The following DLX2 variants were observed in gnomAD, a reference collection of about 807,000 sequenced individuals.
DLX2 encodes distal-less homeobox 2, also known as homeobox protein DLX-2.
DLX2 carries 8 observed loss-of-function variants against 27.4 expected under a neutral mutation model. The ratio of observed to expected loss-of-function variants is 0.29; its 90% CI spans 0.17 to 0.53. The LOEUF is 0.53. DLX2 is among the 20% of genes least tolerant of loss of function. The pLI, the probability that DLX2 is intolerant of heterozygous loss-of-function variation, is 0.96. For missense variants in DLX2, 421 were observed against 450.9 expected, an observed-to-expected ratio of 0.93 and a Z score of 0.60; for synonymous variants, 210 against 200.8, an observed-to-expected ratio of 1.05 and a Z score of -0.39.
chr2:172,101,024 G>A (rs1574162647), intron 2 of DLX2, 80 bp from the exon 3 acceptor site: 1 of 1,501,868 alleles, frequency 6.7e-7, no homozygotes, highest in Non-Finnish European at 9.1e-7. Flanking sequence ...AAAAAAGAAG[G>A]CAGAGAAAAA....
intron 2 of DLX2, 97 bp downstream of exon 2, chr2:172,101,365 C>T: frequency 7.5e-7 from 1 of 1,325,530 alleles, no homozygotes; most frequent in Non-Finnish European, 1.0e-6. Context: ...CTTAAAAGTA[C>T]TTAAAATGAA....
At position 172,102,712 on chromosome 2, in the gene DLX2, T is replaced by C; in HGVS notation, c.-174A>G. Reference sequence around the variant, plus strand: ...CCTCCTCCGGGGGAGGCGATCACCGTGCGCTGCTCGGGACAGCTGCCTCTG... The same window carrying C: ...CCTCCTCCGGGGGAGGCGATCACCGCGCGCTGCTCGGGACAGCTGCCTCTG... On this transcript the variant is annotated 5_prime_UTR_variant, in exon 1 of 3. Transcript: ENST00000234198. 1.6e-6 allele frequency: 1 copy of C among 630,752 alleles called. No individual in the cohort carries two copies. The highest frequency in any genetic ancestry group is 4.3e-4 in the Middle Eastern group (1 of 2,306). 39.1% of individuals were successfully genotyped at this position (630,752 alleles called of 1,614,324 possible). A position where few individuals can be genotyped will look rare whatever the true frequency, so the allele number is the denominator to read the frequency against.
At position 172,101,498 on chromosome 2, in the gene DLX2, G is replaced by A. The variant is rs368551403; in HGVS notation, c.549C>T (p.Ala183=). The change falls in exon 2 of 3, where the codon GCC becomes GCT. Residue 183 remains alanine, a synonymous_variant. Coordinates refer to ENST00000234198, the MANE Select transcript of DLX2 (RefSeq NM_004405.4). ...KTQYLALPER[A]ELAASLGLTQ... is the part of the protein sequence containing the mutation. ...TGAGGCCCAGAGAGGCCGCCAGCTC[G>A]GCTCGCTCCGGCAAGGCCAAGTATT... is the stretch of plus-strand genomic sequence containing the variant. 6.1e-5 allele frequency: 98 copies of A among 1,611,180 alleles called. No homozygotes were observed. Among genetic ancestry groups the A allele is most frequent in the Non-Finnish European group, 8.3e-5 (98 of 1,178,640 alleles).
chr2:172,101,437 C>T (rs770383491), intron 2 of DLX2, 25 bp downstream of exon 2: 8 of 1,577,106 alleles, frequency 5.1e-6, no homozygotes, highest in Middle Eastern at 1.7e-4. Context: ...GCGCTCTCCT[C>T]GCCCCTGCAG....
chr2:172,101,047 G>T (rs966855700), intron 2 of DLX2, 103 bp from the exon 3 acceptor site: 2 of 1,313,454 alleles, frequency 1.5e-6, no homozygotes, highest in East Asian at 2.4e-5. Context: ...GCTGGCTAGC[G>T]GTGGGCAGCG....
chr2:172,102,009 G>A (rs1444033039), intron 1 of DLX2, 130 bp downstream of exon 1: 5 of 1,444,414 alleles, frequency 3.5e-6, no homozygotes, highest in Non-Finnish European at 4.6e-6. Context: ...AGGGTAAAGG[G>A]CACAAGCGGG....
rs1366996107 is a variant in DLX2 at position 172,100,293 on chromosome 2, A to G, written c.*250T>C. 2 of 410,792 alleles carry G rather than the reference A, an allele frequency of 4.9e-6. No homozygotes were observed. The highest frequency in any genetic ancestry group is 4.1e-5 in the African/African-American group (2 of 48,440). 25.4% of individuals were successfully genotyped at this position (410,792 alleles called of 1,614,324 possible). On this transcript the variant is annotated 3_prime_UTR_variant, in exon 3 of 3. Transcript: ENST00000234198. This position sits in a 1 kb window ranked among gnomAD's most constrained non-coding sequence, Gnocchi z 4.5. Reference sequence around the variant, plus strand: ...TCCGAGGCGGGGCTCGAAACAGCCGAGACCCGGGGCTCAGGTCAGAAATGC... The same window carrying G: ...TCCGAGGCGGGGCTCGAAACAGCCGGGACCCGGGGCTCAGGTCAGAAATGC...
intron 1 of DLX2, 65 bp downstream of exon 1, chr2:172,102,074 A>T: frequency 6.5e-7 from 1 of 1,544,904 alleles, no homozygotes; most frequent in Admixed American, 2.0e-5. Flanking sequence ...CGCCCCAAAC[A>T]CGTTTACCCA....
In DLX2 at chr2:172,100,675, CTGG is replaced by C; in HGVS notation, c.852_854del (p.His284del). On this transcript the variant is annotated inframe_deletion, in exon 3 of 3. Transcript: ENST00000234198. The surrounding 1 kb of genome is among the most constrained non-coding windows in gnomAD (Gnocchi z 4.5). ...GCAGGTGTGAGGCGGATCCCGAGGT[CTGG>C]TGGTACCAGGGGTAGTTGCCCAGAA... The C allele has an allele frequency of 1.9e-6, 3 of 1,561,106 alleles. No homozygotes were observed. The African/African-American group carries it at 4.2e-5, about 22-fold the overall frequency.
At position 172,100,635 on chromosome 2, in the gene DLX2, G is replaced by T; in HGVS notation, c.895C>A (p.Leu299Met). The stretch of plus-strand genomic sequence containing the variant: ...TGCGGGGTCTGAGTGGGGTGCAGCA[G>T]CGGCGCCGTGGCCTGCAGGTGTGAG... ...SASHLQATAPLLHPTQTPQPH... is the reference protein window; with the variant it reads ...SASHLQATAPMLHPTQTPQPH... Residue 299 changes from leucine (L) to methionine (M), a missense_variant, in exon 3 of 3, where the codon CTG (leucine) becomes ATG (methionine). Leu to Met is a conservative substitution (Grantham distance 15, BLOSUM62 2). Around this residue, in one of 5 missense-constraint regions of DLX2, gnomAD observed 185 missense variants for 171.1 expected, o/e 1.08. Transcript: ENST00000234198. This position sits in a 1 kb window ranked among gnomAD's most constrained non-coding sequence, Gnocchi z 4.5. The T allele has an allele frequency of 6.4e-7, 1 of 1,565,902 alleles. No homozygotes were observed.
chr2:172,101,723 G>A, intron 1 of DLX2, 77 bp from the exon 2 acceptor site: 1 of 1,486,064 alleles, frequency 6.7e-7, no homozygotes, highest in Non-Finnish European at 9.2e-7. Flanking sequence ...GGCCCGGCGG[G>A]GGGGACTTGG....
At position 172,100,877 on chromosome 2, in the gene DLX2, G is replaced by A; in HGVS notation, c.653C>T (p.Ser218Leu). 6.2e-7 allele frequency: 1 copy of A among 1,613,038 alleles called. No individual in the cohort carries two copies. Among genetic ancestry groups the A allele is most frequent in the Non-Finnish European group, 8.5e-7 (1 of 1,179,926 alleles). Reference protein sequence around the residue: ...KKMWKSGEIPSEQHPGASASP... With the variant: ...KKMWKSGEIPLEQHPGASASP... ...AGCGCTGGCCCCAGGGTGCTGCTCCGAGGGGATCTCACCACTTTTCCACAT... is the reference window on the plus strand; with the variant it reads ...AGCGCTGGCCCCAGGGTGCTGCTCCAAGGGGATCTCACCACTTTTCCACAT... The change falls in exon 3 of 3, where the codon TCG becomes TTG. Residue 218 changes from serine (S) to leucine (L), a missense_variant. By Grantham distance (145) the Ser-to-Leu change is moderately radical (BLOSUM62 -2). Transcript: ENST00000234198. This position sits in a 1 kb window ranked among gnomAD's most constrained non-coding sequence, Gnocchi z 4.5.
chr2:172,102,866 C>A lies in DLX2; in HGVS notation c.-328G>T, dbSNP rs969360765. 1 of 327,272 alleles carries A rather than the reference C, an allele frequency of 3.1e-6. No individual in the cohort carries two copies. Among genetic ancestry groups the A allele is most frequent in the African/African-American group, 2.2e-5 (1 of 45,952 alleles). 20.3% of individuals were successfully genotyped at this position (327,272 alleles called of 1,614,324 possible). ...GGGTCGGGGCTCTGGGAGGCGGGAG[C>A]AGGTGAGCGGCCCCGAGCGGCTTTA... On this transcript the variant is annotated 5_prime_UTR_variant, in exon 1 of 3. Coordinates refer to ENST00000234198, the MANE Select transcript of DLX2 (RefSeq NM_004405.4).
At position 172,100,493 on chromosome 2, in the gene DLX2, A is replaced by G. The variant is rs908885056; in HGVS notation, c.*50T>C. The G allele has an allele frequency of 6.1e-6, 9 of 1,487,304 alleles. No individual in the cohort carries two copies. The highest frequency in any genetic ancestry group is 8.0e-6 in the Non-Finnish European group (9 of 1,121,074). 92.1% of individuals were successfully genotyped at this position (1,487,304 alleles called of 1,614,324 possible). On this transcript the variant is annotated 3_prime_UTR_variant, in exon 3 of 3. Transcript: ENST00000234198. The surrounding 1 kb of genome is among the most constrained non-coding windows in gnomAD (Gnocchi z 4.5). ...AGGGAACCCCGGCTCGGGGTAAGCA[A>G]TGAGGATAAGTGGTCTCTGCTCTCA...
At position 172,102,142 on chromosome 2, in the gene DLX2, G is replaced by T; in HGVS notation, c.397C>A (p.Pro133Thr). 1 of 1,613,248 alleles carries T rather than the reference G, an allele frequency of 6.2e-7. No individual in the cohort carries two copies. The highest frequency in any genetic ancestry group is 8.5e-7 in the Non-Finnish European group (1 of 1,179,516). Residue 133 changes from proline to threonine, a missense_variant, in exon 1 of 3, where the codon CCT (proline) becomes ACT (threonine). Coordinates refer to ENST00000234198, the MANE Select transcript of DLX2 (RefSeq NM_004405.4). ...TTGACTTCAGCGTTATGCATACCAGGCTCGTTGTTGGCTGGGGACGAACTG... is the reference window on the plus strand; with the variant it reads ...TTGACTTCAGCGTTATGCATACCAGTCTCGTTGTTGGCTGGGGACGAACTG... ...GTSSSPANNE[P>T]EKEDLEPEIR...
chr2:172,102,169 T>C lies in DLX2; in HGVS notation c.370A>G (p.Thr124Ala), dbSNP rs764167235. Residue 124 changes from threonine to alanine, a missense_variant, in exon 1 of 3, where the codon ACC becomes GCC. Physicochemically the swap from Thr to Ala is moderately conservative, Grantham distance 58 (BLOSUM62 0). This residue lies in a region of DLX2 where 141 missense variants were observed against 123.5 expected (regional missense o/e 1.14). Transcript: ENST00000234198. ...AAYTSYAPYG[T>A]SSSPANNEPE... Reference sequence around the variant, plus strand: ...TCGTTGTTGGCTGGGGACGAACTGGTTCCATAGGGAGCGTAGGAGGTGTAG... The same window carrying C: ...TCGTTGTTGGCTGGGGACGAACTGGCTCCATAGGGAGCGTAGGAGGTGTAG... 6.2e-7 allele frequency: 1 copy of C among 1,613,972 alleles called. No homozygotes were observed. The highest frequency in any genetic ancestry group is 8.5e-7 in the Non-Finnish European group (1 of 1,179,910).
chr2:172,101,790 C>A, intron 1 of DLX2, 144 bp from the exon 2 acceptor site: 1 of 988,272 alleles, frequency 1.0e-6, no homozygotes, highest in Non-Finnish European at 1.5e-6. Context: ...CGCAACTTCG[C>A]AGCGTGCGAT....
chr2:172,102,362 G>A lies in DLX2; in HGVS notation c.177C>T (p.Ser59=), dbSNP rs1312971019. The A allele has an allele frequency of 1.3e-6, 2 of 1,576,386 alleles. No individual in the cohort carries two copies. The highest frequency in any genetic ancestry group is 1.7e-6 in the Non-Finnish European group (2 of 1,160,986). ...KPQESPTLPV[S]TATDSSYYTN... ...TGTAGTAGCTGCTGTCGGTGGCGGT[G>A]GACACCGGAAGGGTGGGCGACTCCT... The change falls in exon 1 of 3, where the codon TCC becomes TCT. Residue 59 remains serine, a synonymous_variant. Transcript: ENST00000234198.
At chr2:172,102,048 G>A in intron 1 of DLX2, 91 bp downstream of exon 1, 2 of 1,528,076 alleles carry the variant, frequency 1.3e-6, no homozygotes, top group African/African-American at 1.4e-5. Context: ...AAAATCCAGA[G>A]CTTTCGAAGG....
Sources: gnomAD v4.1 joint callset for allele counts on GRCh38, gnomAD v4.1.1 for gene constraint, gnomAD v4.1.1 regional missense constraint, Gnocchi (gnomAD v3.1) non-coding constraint, MANE v1.5 for transcripts, NCBI Gene and HGNC (gene_info 2026-07-23, HGNC 2026-07-21) for gene names.